The following A1CF variants were observed in gnomAD, a reference collection of about 807,000 sequenced individuals.
A1CF encodes the protein APOBEC-1 stimulating protein.
A1CF carries 48 observed loss-of-function variants against 68.9 expected under a neutral mutation model. The observed-to-expected ratio is 0.70, with a 90% confidence interval of 0.55 to 0.89. The LOEUF is 0.89. Among genes scored for constraint, A1CF ranks in the 40% least tolerant of loss-of-function variants. The pLI is 0.00. For missense variants in A1CF, 653 were observed against 718.9 expected (o/e 0.91, Z 1.05); for synonymous variants, 272 against 260.4 (o/e 1.04, Z -0.43).
Position 50,801,288 on chromosome 10 carries a change from A to G in A1CF, c.*5441T>C, listed in dbSNP as rs1837590436. 1 of 152,208 alleles carries G rather than the reference A, an allele frequency of 6.6e-6. No individual in the cohort carries two copies. 9.4% of individuals were successfully genotyped at this position (152,208 alleles called of 1,614,324 possible). A position where few individuals can be genotyped will look rare whatever the true frequency, so the allele number is the denominator to read the frequency against. On this transcript the variant is annotated 3_prime_UTR_variant, in exon 13 of 13. Coordinates refer to ENST00000373997, the MANE Select transcript of A1CF (RefSeq NM_014576.4). ...TGACCCTGCTCAGTCAGAAAGAAGT[A>G]GCTAGGCTCTTTAGTTTAAGCTGTT...
chr10:50,857,721 G>T (rs2132518377), intron 3 of A1CF, among the ~76,000 whole-genome samples: 1 of 152,266 alleles, frequency 6.6e-6, no homozygotes, highest in African/African-American at 2.4e-5. Flanking sequence ...GTGAACAATG[G>T]GTTGGCCTGC....
intron 8 of A1CF, 157 bp from the exon 9 acceptor site, chr10:50,816,436 T>C (rs1008345454): frequency 1.0e-5 from 9 of 868,854 alleles, no homozygotes; most frequent in Middle Eastern, 3.6e-4. Context: ...TGTATGCCAG[T>C]TGAACTTTTT....
intron 3 of A1CF, among the ~76,000 whole-genome samples, chr10:50,858,047 G>C (rs1034861501): frequency 6.6e-6 from 1 of 152,088 alleles, no homozygotes; most frequent in African/African-American, 2.4e-5. Context: ...CTTCAATCAG[G>C]AGTCAGAAAT....
chr10:50,825,727 C>A (rs916420113), intron 7 of A1CF, among the ~76,000 whole-genome samples: 2 of 152,118 alleles, frequency 1.3e-5, no homozygotes, highest in African/African-American at 4.8e-5. Context: ...AAAGTATTGA[C>A]AAGATGAGTA....
chr10:50,856,591 C>T (rs1379895612), intron 3 of A1CF, among the ~76,000 whole-genome samples: 1 of 152,082 alleles, frequency 6.6e-6, no homozygotes, highest in African/African-American at 2.4e-5. Flanking sequence ...TAACAACTCT[C>T]AGTTTTCTGA....
At chr10:50,808,902 A>G (rs2132307741) in intron 12 of A1CF, among the ~76,000 whole-genome samples, 1 of 152,236 alleles carries the variant, frequency 6.6e-6, no homozygotes, top group East Asian at 1.9e-4. Flanking sequence ...ATCAATAAGA[A>G]TATCATGTTT....
chr10:50,840,955 A>G (rs1023739225), intron 5 of A1CF, among the ~76,000 whole-genome samples: 3 of 152,120 alleles, frequency 2.0e-5, no homozygotes, highest in Admixed American at 1.3e-4. Flanking sequence ...AGATTTGTGT[A>G]TATCCCAGAT....
chr10:50,856,253 A>G (rs1386991605), intron 3 of A1CF, among the ~76,000 whole-genome samples: 1 of 152,092 alleles, frequency 6.6e-6, no homozygotes, highest in Non-Finnish European at 1.5e-5. Flanking sequence ...CATATGTCAT[A>G]GGGACTAGAT....
chr10:50,846,312 A>G (rs1390485613), intron 3 of A1CF, among the ~76,000 whole-genome samples: 1 of 152,190 alleles, frequency 6.6e-6, no homozygotes, highest in Non-Finnish European at 1.5e-5. Flanking sequence ...TGTATATGCA[A>G]AAATTCTAAA....
At chr10:50,845,384 T>A (rs1263833582) in intron 3 of A1CF, among the ~76,000 whole-genome samples, 1 of 152,188 alleles carries the variant, frequency 6.6e-6, no homozygotes, top group Non-Finnish European at 1.5e-5. Flanking sequence ...TGAGTTTTAT[T>A]TATTTACTTC....
intron 3 of A1CF, among the ~76,000 whole-genome samples, chr10:50,858,027 C>T (rs1470760065): frequency 6.6e-6 from 1 of 152,126 alleles, no homozygotes; most frequent in Non-Finnish European, 1.5e-5. Context: ...GCTTTTATTT[C>T]TCCCTTCTGC....
intron 8 of A1CF, among the ~76,000 whole-genome samples, chr10:50,817,807 C>G (rs1402126749): frequency 2.0e-5 from 3 of 152,168 alleles, no homozygotes; most frequent in Non-Finnish European, 2.9e-5. Flanking sequence ...CATCCAAAAG[C>G]ATTTTAAATT....
At chr10:50,885,095 T>C (rs1399790565) in intron 1 of A1CF, among the ~76,000 whole-genome samples, 1 of 152,210 alleles carries the variant, frequency 6.6e-6, no homozygotes, top group African/African-American at 2.4e-5. Flanking sequence ...CAAGACTTTC[T>C]TTTTTATGGT....
chr10:50,814,156 T>C lies in A1CF; in HGVS notation c.1142-118A>G, dbSNP rs182249876. ...GAAAAGTTAGCCCAATTCACGTTGA[T>C]TATTGCCCTGAAGATGGGTGGGAGA... On this transcript the variant is annotated intron_variant, in intron 9 of 12. Coordinates refer to ENST00000373997, the MANE Select transcript of A1CF (RefSeq NM_014576.4). 1,370 of 1,107,748 alleles carry C rather than the reference T, an allele frequency of 1.2e-3. 29 individuals carry two copies. In the Admixed American group the frequency reaches 0.028, roughly 23 times the overall value. The allele number at this position is 1,107,748 out of a possible 1,614,324, so 68.6% of individuals were successfully genotyped here. A position where few individuals can be genotyped will look rare whatever the true frequency, so the allele number is the denominator to read the frequency against.
At chr10:50,836,425 T>C in intron 5 of A1CF, 113 bp from the exon 6 acceptor site, 6 of 1,136,932 alleles carry the variant, frequency 5.3e-6, no homozygotes, top group East Asian at 2.4e-5. Flanking sequence ...GGGTTCATAG[T>C]GTTGAAACCA....
intron 1 of A1CF, among the ~76,000 whole-genome samples, chr10:50,867,490 C>T (rs1252704482): frequency 6.6e-6 from 1 of 152,012 alleles, no homozygotes; most frequent in Non-Finnish European, 1.5e-5. Flanking sequence ...AATGTGTACA[C>T]ATGGAGGTAG....
At chr10:50,878,252 C>T (rs1186929144) in intron 1 of A1CF, among the ~76,000 whole-genome samples, 1 of 152,222 alleles carries the variant, frequency 6.6e-6, no homozygotes. Context: ...TTAAAAAGCA[C>T]TGTACATTTT....
intron 1 of A1CF, among the ~76,000 whole-genome samples, chr10:50,868,644 G>C (rs188459546): frequency 1.3e-5 from 2 of 152,226 alleles, no homozygotes; most frequent in East Asian, 3.9e-4. Flanking sequence ...CCAAGACAAG[G>C]CTTAAATTAA....
intron 6 of A1CF, among the ~76,000 whole-genome samples, chr10:50,835,685 G>A (rs1839455077): frequency 6.6e-6 from 1 of 152,126 alleles, no homozygotes; most frequent in African/African-American, 2.4e-5. Context: ...TTGGAATAAG[G>A]TATCACTTGA....
Sources: gnomAD v4.1 joint callset for allele counts (sites outside exome capture counted in the v4.1 genomes callset) on GRCh38, gnomAD v4.1.1 for gene constraint, MANE v1.5 for transcripts, NCBI Gene and HGNC (gene_info 2026-07-23, HGNC 2026-07-21) for gene names.